The following IARS2 variants were observed in gnomAD, a reference collection of about 807,000 sequenced individuals.
IARS2 encodes isoleucine--tRNA ligase, mitochondrial.
Under a neutral mutation model 126.3 loss-of-function variants are expected in IARS2, and 56 were observed. The observed-to-expected ratio is 0.44, with a 90% CI of 0.36 to 0.55. The LOEUF (loss-of-function observed/expected upper bound fraction) is 0.55, where lower values mean the gene tolerates loss of function less well. Among genes scored for constraint, IARS2 ranks in the 20% least tolerant of loss-of-function variants. IARS2 has a pLI of 0.00. For missense variants in IARS2, 1,127 were observed against 1,245.9 expected (o/e 0.90, Z 1.44); for synonymous variants, 407 against 441.1 (o/e 0.92, Z 0.97).
chr1:220,095,477 A>C (rs1673219507), intron 1 of IARS2, among the ~76,000 whole-genome samples: 1 of 152,214 alleles, frequency 6.6e-6, no homozygotes, highest in Non-Finnish European at 1.5e-5. Context: ...AGTTCATCTA[A>C]TTTTTTAAAG....
chr1:220,095,229 G>T (rs1656413358), intron 1 of IARS2, among the ~76,000 whole-genome samples: 2 of 152,084 alleles, frequency 1.3e-5, no homozygotes, highest in Non-Finnish European at 2.9e-5. Flanking sequence ...AGTAGAGATG[G>T]AGTTTCACCA....
chr1:220,144,258 G>C, intron 21 of IARS2: 1 of 765,960 alleles, frequency 1.3e-6, no homozygotes, highest in Non-Finnish European at 2.4e-6. Flanking sequence ...TGATGACTTT[G>C]GAGCACGGCC....
chr1:220,112,652 G>C (rs1656832878), intron 11 of IARS2, among the ~76,000 whole-genome samples: 1 of 147,354 alleles, frequency 6.8e-6, no homozygotes. Flanking sequence ...TCCACCTCCT[G>C]GACTCAACCT....
chr1:220,103,539 T>C lies in IARS2; in HGVS notation c.1043T>C (p.Phe348Ser). 1 of 1,609,990 alleles carries C rather than the reference T, an allele frequency of 6.2e-7. No homozygotes were observed. The change falls in exon 8 of 23, where the codon TTT becomes TCT. Residue 348 changes from phenylalanine to serine, a missense_variant. Transcript: ENST00000366922. ...ASVASTLETT[F>S]ETISTLSGVD... ...GTTGCTTCTACTTTGGAAACAACAT[T>C]TGAGACTATTTCAACACTTTCAGGT...
intron 22 of IARS2, among the ~76,000 whole-genome samples, chr1:220,146,007 GC>G (rs1657579272): frequency 6.6e-6 from 1 of 152,094 alleles, no homozygotes; most frequent in Admixed American, 6.6e-5. Flanking sequence ...GCCCAGTCCT[GC>G]CCACTGTTCC....
At chr1:220,137,821 C>A in intron 16 of IARS2, 97 bp from the exon 17 acceptor site, 1 of 1,367,326 alleles carries the variant, frequency 7.3e-7, no homozygotes, top group Non-Finnish European at 1.0e-6. Flanking sequence ...TTACATTGTG[C>A]TCAAAAATAT....
chr1:220,120,010 C>T (rs1657004845), intron 12 of IARS2, among the ~76,000 whole-genome samples: 1 of 150,958 alleles, frequency 6.6e-6, no homozygotes. Context: ...ATCATTATAC[C>T]TAGCTCAAGT....
At chr1:220,109,033 C>T (rs909891163) in intron 10 of IARS2, among the ~76,000 whole-genome samples, 3 of 151,992 alleles carry the variant, frequency 2.0e-5, no homozygotes, top group Non-Finnish European at 4.4e-5. Context: ...GCAGGATGTA[C>T]ACCTGACAGA....
In IARS2 at chr1:220,100,639, T is replaced by G; in HGVS notation, c.540T>G (p.Ile180Met). ...CTCAGAATCTTTCAGCTATGGAAAT[T>G]AGAAAGAAAGGTAAATAATCTGTAT... is the stretch of plus-strand genomic sequence containing the variant. ...REAQNLSAME[I>M]RKKARSFAKA... The change falls in exon 3 of 23, where the codon ATT (isoleucine) becomes ATG (methionine). Residue 180 changes from isoleucine to methionine, a missense_variant. Transcript: ENST00000366922. The G allele has an allele frequency of 6.2e-7, 1 of 1,606,104 alleles. No homozygotes were observed. Among genetic ancestry groups the G allele is most frequent in the Non-Finnish European group, 8.5e-7 (1 of 1,174,268 alleles).
chr1:220,130,181 C>T (rs1414041482), intron 14 of IARS2, among the ~76,000 whole-genome samples: 1 of 152,112 alleles, frequency 6.6e-6, no homozygotes, highest in African/African-American at 2.4e-5. Context: ...TCTGTTCAGA[C>T]CCTTTGCCCA....
At chr1:220,094,747 A>G (rs1656401278) in intron 1 of IARS2, among the ~76,000 whole-genome samples, 1 of 152,220 alleles carries the variant, frequency 6.6e-6, no homozygotes, top group Non-Finnish European at 1.5e-5. Context: ...ACCAGCATGT[A>G]TCGCACGTAT....
rs1657636753 is a variant in IARS2, at chr1:220,147,799, G to GT, written c.*165dup. 1 of 638,664 alleles carries GT rather than the reference G, an allele frequency of 1.6e-6. No individual in the cohort carries two copies. Among genetic ancestry groups the GT allele is most frequent in the African/African-American group, 1.8e-5 (1 of 54,758 alleles). 39.6% of individuals were successfully genotyped at this position (638,664 alleles called of 1,614,324 possible). On this transcript the variant is annotated 3_prime_UTR_variant, in exon 23 of 23. Coordinates refer to ENST00000366922, the MANE Select transcript of IARS2 (RefSeq NM_018060.4). The stretch of plus-strand genomic sequence containing the variant: ...CAGAATTATAGAAGAAGTATTTCCT[G>GT]TAACTATAGAAAGAATTATGTATAT...
rs1240103964 is a variant in IARS2 at position 220,144,441 on chromosome 1, G to C, written c.2752-1068G>C. The C allele has an allele frequency of 7.8e-6, 4 of 512,886 alleles. No homozygotes were observed. In the East Asian group the frequency reaches 1.3e-4, roughly 17 times the overall value. The allele number at this position is 512,886 out of a possible 1,614,324, so 31.8% of individuals were successfully genotyped here. On this transcript the variant is annotated intron_variant, in intron 21 of 22. Coordinates refer to ENST00000366922, the MANE Select transcript of IARS2 (RefSeq NM_018060.4). ...AAAAACATCCATCTTATTTTGTATGGTAAGCTCAATTTAAATTTTTAATGA... is the reference window on the plus strand; with the variant it reads ...AAAAACATCCATCTTATTTTGTATGCTAAGCTCAATTTAAATTTTTAATGA...
At chr1:220,135,920 G>A (rs1464471343) in intron 15 of IARS2, among the ~76,000 whole-genome samples, 1 of 147,588 alleles carries the variant, frequency 6.8e-6, no homozygotes, top group Admixed American at 6.9e-5. Context: ...GCCCATTTGT[G>A]ACTAATCTCC....
At chr1:220,121,842 A>C (rs1657056880) in intron 12 of IARS2, among the ~76,000 whole-genome samples, 1 of 152,198 alleles carries the variant, frequency 6.6e-6, no homozygotes, top group Admixed American at 6.5e-5. Flanking sequence ...CCATAATCTC[A>C]GCATTTTGGG....
In IARS2 at chr1:220,145,535, C is replaced by T. The variant is rs1199372128; in HGVS notation, c.2778C>T (p.Ser926=). The T allele has an allele frequency of 1.2e-6, 2 of 1,613,056 alleles. No individual in the cohort carries two copies. Among genetic ancestry groups the T allele is most frequent in the Non-Finnish European group, 1.7e-6 (2 of 1,179,298 alleles). The change falls in exon 22 of 23, where the codon AGC becomes AGT. Residue 926 remains serine (S), a synonymous_variant. Transcript: ENST00000366922. The part of the protein sequence containing the change: ...IEMLQSEETS[S]TSQLNELMMA... ...TGCTGCAGTCTGAAGAGACTTCCAGCACCTCTCAGTTGAATGAATTAATGA... is the reference window on the plus strand; with the variant it reads ...TGCTGCAGTCTGAAGAGACTTCCAGTACCTCTCAGTTGAATGAATTAATGA...
chr1:220,095,091 T>C lies in IARS2; in HGVS notation c.267+608T>C, dbSNP rs767156541. On this transcript the variant is annotated intron_variant, in intron 1 of 22. Transcript: ENST00000366922. ...TCGTTTGAAGTCGCCCAGGCTGGAG[T>C]GCAATGGCGCGATCTCAGCTCACTA... is the stretch of plus-strand genomic sequence containing the variant. 5.3e-5 allele frequency among the ~76,000 whole-genome samples: 8 copies of C among 152,106 alleles called. No homozygotes were observed. The South Asian group carries it at 1.4e-3, about 28-fold the overall frequency.
At chr1:220,098,559 C>T (rs185922620) in intron 2 of IARS2, among the ~76,000 whole-genome samples, 13 of 152,158 alleles carry the variant, frequency 8.5e-5, no homozygotes, top group Admixed American at 2.6e-4. Flanking sequence ...AAGACCTTGT[C>T]GTTTTTGTTT....
intron 10 of IARS2, among the ~76,000 whole-genome samples, chr1:220,109,030 G>T (rs1656746028): frequency 6.6e-6 from 1 of 152,046 alleles, no homozygotes; most frequent in South Asian, 2.1e-4. Flanking sequence ...GCTGCAGGAT[G>T]TACACCTGAC....
Sources: allele counts gnomAD v4.1 joint callset (sites outside exome capture counted in the v4.1 genomes callset), GRCh38; gene constraint gnomAD v4.1.1; transcripts MANE v1.5; gene names NCBI Gene and HGNC (gene_info 2026-07-23, HGNC 2026-07-21).